The following USH2A variants were observed in gnomAD, a reference collection of about 807,000 sequenced individuals.
USH2A encodes the protein Usher syndrome 2A (autosomal recessive, mild).
USH2A carries 443 observed loss-of-function variants against 538.9 expected under a neutral mutation model. The observed-to-expected ratio is 0.82, with a 90% confidence interval of 0.76 to 0.89. USH2A has a LOEUF of 0.89. Ranked by LOEUF, USH2A falls within the 40% of genes least tolerant of loss-of-function variation. The pLI is 0.00. For missense variants in USH2A, 6,633 were observed against 6,324.8 expected (o/e 1.05, Z -1.65); for synonymous variants, 2,413 against 2,273.5 (o/e 1.06, Z -1.75).
At chr1:216,336,354 G>A (rs2037974309) in intron 4 of USH2A, among the ~76,000 whole-genome samples, 1 of 151,224 alleles carries the variant, frequency 6.6e-6, no homozygotes, top group South Asian at 2.1e-4. Flanking sequence ...AGATAACAAT[G>A]TCCACTTTTG....
chr1:215,721,662 A>G lies in USH2A; in HGVS notation c.12066+6368T>C, dbSNP rs1048791231. Among the ~76,000 whole-genome samples the G allele has an allele frequency of 3.4e-4, 52 of 152,162 alleles. 1 individual carries two copies. The highest frequency in any genetic ancestry group is 3.3e-3 in the Admixed American group (50 of 15,280). On this transcript the variant is annotated intron_variant, in intron 61 of 71. Coordinates refer to ENST00000307340, the MANE Select transcript of USH2A (RefSeq NM_206933.4). ...GTATTTATGACTTTCAGACAAATAC[A>G]TATTTGTCTGAAAGTCTAATTTGTC...
chr1:215,987,778 G>A (rs539301911), intron 35 of USH2A, among the ~76,000 whole-genome samples: 1 of 152,252 alleles, frequency 6.6e-6, no homozygotes, highest in East Asian at 1.9e-4. Context: ...ACTGCCTTTT[G>A]AAAGAATGAG....
intron 30 of USH2A, among the ~76,000 whole-genome samples, chr1:216,051,497 CTAAATAAGATGA>C (rs1211283235): frequency 1.3e-5 from 2 of 152,174 alleles, no homozygotes; most frequent in Non-Finnish European, 2.9e-5. Flanking sequence ...CCGTAAGATT[CTAAATAAGATGA>C]CTTGCATGGC....
intron 55 of USH2A, among the ~76,000 whole-genome samples, chr1:215,779,053 C>T (rs1336753276): frequency 1.3e-5 from 2 of 152,094 alleles, no homozygotes; most frequent in East Asian, 3.9e-4. Flanking sequence ...AGATAAGGTT[C>T]CTGCTCTCTT....
At chr1:216,201,678 C>G (rs1195295341) in intron 16 of USH2A, 1 of 199,354 alleles carries the variant, frequency 5.0e-6, no homozygotes, top group Non-Finnish European at 1.1e-5. Flanking sequence ...GAGGAGGCCT[C>G]CGCTGGTGTT....
intron 11 of USH2A, among the ~76,000 whole-genome samples, chr1:216,273,991 C>G (rs1053908717): frequency 6.6e-6 from 1 of 152,106 alleles, no homozygotes; most frequent in South Asian, 2.1e-4. Context: ...ATATACCAGA[C>G]CTAAAGAATT....
intron 38 of USH2A, chr1:215,901,265 T>C (rs1374636052): frequency 2.5e-5 from 9 of 354,930 alleles, no homozygotes; most frequent in South Asian, 4.5e-5. Flanking sequence ...GACCAAACAA[T>C]TGAACACTGA....
At chr1:216,349,396 G>A in intron 4 of USH2A, among the ~76,000 whole-genome samples, 1 of 152,102 alleles carries the variant, frequency 6.6e-6, no homozygotes, top group East Asian at 1.9e-4. Context: ...GTAAAATAAG[G>A]CTGAGGCCTA....
Position 216,008,563 on chromosome 1 carries a change from C to T in USH2A, c.6326-8001G>A, listed in dbSNP as rs536881728. 1.5e-3 allele frequency among the ~76,000 whole-genome samples: 222 copies of T among 152,264 alleles called. 3 individuals are homozygous for T. Among genetic ancestry groups the T allele is most frequent in the African/African-American group, 5.3e-3 (219 of 41,560 alleles). On this transcript the variant is annotated intron_variant, in intron 32 of 71. Transcript: ENST00000307340. ...ACATGGACGCACATGAAATTTGGTG[C>T]CGTGACTCGGATCGGGGGACCTCCC...
At chr1:216,209,225 A>C (rs1032889546) in intron 15 of USH2A, among the ~76,000 whole-genome samples, 1 of 152,188 alleles carries the variant, frequency 6.6e-6, no homozygotes, top group Non-Finnish European at 1.5e-5. Context: ...ACCTGACAGG[A>C]GCTATGACCA....
rs2039034867 is a variant in USH2A at position 216,388,027 on chromosome 1, T to C, written c.652-22942A>G. Reference sequence around the variant, plus strand: ...ATAACTAGCTTCCCCTTGAATAGCATTATTGGAGAAGAGAAAAAAAGTCCT... The same window carrying C: ...ATAACTAGCTTCCCCTTGAATAGCACTATTGGAGAAGAGAAAAAAAGTCCT... On this transcript the variant is annotated intron_variant, in intron 3 of 71. Transcript: ENST00000307340. Among the ~76,000 whole-genome samples, 4 of 152,234 alleles carry C rather than the reference T, an allele frequency of 2.6e-5. No individual in the cohort carries two copies. The South Asian group carries it at 8.3e-4, about 32-fold the overall frequency.
intron 32 of USH2A, among the ~76,000 whole-genome samples, chr1:216,005,604 C>T (rs72744670): frequency 0.02 from 2,993 of 151,990 alleles, 44 homozygotes; most frequent in Non-Finnish European, 0.028. Flanking sequence ...AATGTCTAAA[C>T]ATGTTTTAAA....
rs74868362 is a variant in USH2A, at chr1:215,876,252, C to A, written c.8681+1506G>T. On this transcript the variant is annotated intron_variant, in intron 43 of 71. Transcript: ENST00000307340. ...GCAACATGGATCTGCTAGTAATTGACCAATCTTCACCTATAAAAGTGGCAG... is the reference window on the plus strand; with the variant it reads ...GCAACATGGATCTGCTAGTAATTGAACAATCTTCACCTATAAAAGTGGCAG... Among the ~76,000 whole-genome samples, 727 of 152,196 alleles carry A rather than the reference C, an allele frequency of 4.8e-3. 4 individuals are homozygous for A. The highest frequency in any genetic ancestry group is 0.017 in the African/African-American group (698 of 41,538).
chr1:215,903,059 A>G (rs1665544321), intron 38 of USH2A, among the ~76,000 whole-genome samples: 1 of 152,108 alleles, frequency 6.6e-6, no homozygotes, highest in Non-Finnish European at 1.5e-5. Context: ...TCTCTAGGAA[A>G]GGATACTGAG....
chr1:215,966,605 A>G (rs987070234), intron 36 of USH2A, among the ~76,000 whole-genome samples: 2 of 152,216 alleles, frequency 1.3e-5, no homozygotes, highest in African/African-American at 4.8e-5. Flanking sequence ...TTTTATTTTC[A>G]TCAGAGAAAA....
intron 37 of USH2A, among the ~76,000 whole-genome samples, chr1:215,947,645 G>A (rs1163496181): frequency 6.6e-6 from 1 of 152,142 alleles, no homozygotes; most frequent in Non-Finnish European, 1.5e-5. Flanking sequence ...TCCTAAGAAA[G>A]CTGATTTCAG....
intron 60 of USH2A, among the ~76,000 whole-genome samples, chr1:215,737,432 C>G (rs73088857): frequency 0.026 from 4,013 of 151,952 alleles, 169 homozygotes; most frequent in African/African-American, 0.088. Context: ...AAGTCCTAGT[C>G]TCAATGACAT....
chr1:216,167,633 G>A (rs535749104), intron 21 of USH2A, among the ~76,000 whole-genome samples: 6 of 152,172 alleles, frequency 3.9e-5, no homozygotes, highest in Admixed American at 1.3e-4. Context: ...GCAAGACCTC[G>A]GAAGCATGCC....
At chr1:216,183,610 A>G (rs913674876) in intron 20 of USH2A, among the ~76,000 whole-genome samples, 33 of 151,968 alleles carry the variant, frequency 2.2e-4, no homozygotes, top group Non-Finnish European at 1.5e-5. Flanking sequence ...TAGTATATCA[A>G]TTAAAGCTCC....
Sources: gnomAD v4.1 joint callset for allele counts (sites outside exome capture counted in the v4.1 genomes callset) on GRCh38, gnomAD v4.1.1 for gene constraint, MANE v1.5 for transcripts, NCBI Gene and HGNC (gene_info 2026-07-23, HGNC 2026-07-21) for gene names.